MRAP2: variants seen among roughly 807,000 people sequenced by gnomAD.
MRAP2 encodes the protein melanocortin 2 receptor accessory protein 2.
A neutral mutation model predicts 17.4 loss-of-function variants in MRAP2; 20 were observed. The ratio of observed to expected loss-of-function variants is 1.15; its 90% CI spans 0.81 to 1.67. MRAP2 has a LOEUF of 1.67. Among genes scored for constraint, MRAP2 ranks in the 40% most tolerant of loss-of-function variants. The pLI is 0.00. For missense variants in MRAP2, 238 were observed against 240.0 expected, an observed-to-expected ratio of 0.99 and a Z score of 0.05; for synonymous variants, 96 against 88.4, an observed-to-expected ratio of 1.09 and a Z score of -0.48.
the MRAP2 span, among the ~76,000 whole-genome samples, chr6:84,107,037 T>C: frequency 6.6e-5 from 10 of 152,016 alleles, no homozygotes; most frequent in African/African-American, 2.4e-4. Context: ...ACATATAGGG[T>C]CCTTCCAAAG....
the MRAP2 span, among the ~76,000 whole-genome samples, chr6:84,129,241 G>T: frequency 6.6e-6 from 1 of 152,068 alleles, no homozygotes; most frequent in Admixed American, 6.6e-5. Flanking sequence ...GGTATTTCTA[G>T]TTCTAGATCC....
At chr6:84,088,240 C>CT (rs2099500975) in intron 3 of MRAP2, among the ~76,000 whole-genome samples, 1 of 152,202 alleles carries the variant, frequency 6.6e-6, no homozygotes, top group South Asian at 2.1e-4. Flanking sequence ...GGCAATCCTT[C>CT]TTTAAGTCTG....
At chr6:84,065,911 T>C (rs1278712997) in intron 3 of MRAP2, among the ~76,000 whole-genome samples, 1 of 152,064 alleles carries the variant, frequency 6.6e-6, no homozygotes, top group African/African-American at 2.4e-5. Flanking sequence ...CTTTGGACTG[T>C]CTCCACCCTG....
intron 1 of MRAP2, among the ~76,000 whole-genome samples, chr6:84,048,603 A>T (rs886398137): frequency 6.6e-6 from 1 of 152,218 alleles, no homozygotes; most frequent in Admixed American, 6.5e-5. Context: ...CAACTCAACC[A>T]TGATAGCATG....
the MRAP2 span, among the ~76,000 whole-genome samples, chr6:84,133,563 G>A: frequency 5.2e-4 from 79 of 152,292 alleles, no homozygotes; most frequent in African/African-American, 1.7e-3. Flanking sequence ...CCTCAGCAAC[G>A]GCGGATGCCC....
chr6:84,043,995 A>T (rs78723775), intron 1 of MRAP2, among the ~76,000 whole-genome samples: 1 of 151,200 alleles, frequency 6.6e-6, no homozygotes, highest in South Asian at 2.1e-4. Context: ...TCAAAAATGT[A>T]TTTTTTTTTA....
chr6:84,093,865 C>T (rs2099502205), downstream of MRAP2, among the ~76,000 whole-genome samples: 1 of 152,200 alleles, frequency 6.6e-6, no homozygotes, highest in African/African-American at 2.4e-5. Flanking sequence ...TCCCTTAAAG[C>T]AGGAACTTGC....
chr6:84,094,714 A>T (rs1030184079), downstream of MRAP2, among the ~76,000 whole-genome samples: 9 of 151,376 alleles, frequency 5.9e-5, no homozygotes, highest in South Asian at 1.9e-3. Context: ...TTTTTTTGAC[A>T]TGGAGTCTCA....
chr6:84,047,503 A>C lies in MRAP2; in HGVS notation c.-7-7809A>C, dbSNP rs919929111. On this transcript the variant is annotated intron_variant, in intron 1 of 3. Transcript: ENST00000257776. ...CACCAAGCCTAGCCTAAAAAAAAAA[A>C]AACTATAAACAATATTAGAACTTTT... Among the ~76,000 whole-genome samples, 9 of 152,174 alleles carry C rather than the reference A, an allele frequency of 5.9e-5. No individual in the cohort carries two copies. The East Asian group carries it at 1.7e-3, about 29-fold the overall frequency.
At chr6:84,139,529 T>C in the MRAP2 span, among the ~76,000 whole-genome samples, 1 of 152,274 alleles carries the variant, frequency 6.6e-6, no homozygotes, top group East Asian at 1.9e-4. Context: ...TTCCTGACAG[T>C]TTTTGGCAAT....
chr6:84,141,895 A>T, the MRAP2 span, among the ~76,000 whole-genome samples: 7 of 151,456 alleles, frequency 4.6e-5, no homozygotes, highest in Admixed American at 4.0e-4. Flanking sequence ...AGAAAAACTT[A>T]AAAAAAAATA....
chr6:84,055,798 T>C (rs2099491568), intron 2 of MRAP2, among the ~76,000 whole-genome samples: 1 of 152,250 alleles, frequency 6.6e-6, no homozygotes, highest in Non-Finnish European at 1.5e-5. Flanking sequence ...GATCTGGAAC[T>C]GTTATTTGAA....
chr6:84,080,329 C>A (rs2099498662), intron 3 of MRAP2, among the ~76,000 whole-genome samples: 1 of 152,210 alleles, frequency 6.6e-6, no homozygotes, highest in Non-Finnish European at 1.5e-5. Flanking sequence ...AGCCACCACG[C>A]CCTATTGCCA....
intron 2 of MRAP2, among the ~76,000 whole-genome samples, chr6:84,060,772 A>G (rs1011234762): frequency 4.1e-5 from 6 of 147,604 alleles, no homozygotes; most frequent in African/African-American, 1.5e-4. Flanking sequence ...TGCAAGCTCC[A>G]CCTGCCGGGT....
the MRAP2 span, among the ~76,000 whole-genome samples, chr6:84,131,598 G>A: frequency 6.7e-6 from 1 of 149,796 alleles, no homozygotes; most frequent in South Asian, 2.1e-4. Flanking sequence ...TACCATTATG[G>A]CCTTGTCTCT....
chr6:84,063,726 TAGTC>T (rs2099493761), intron 3 of MRAP2, among the ~76,000 whole-genome samples: 1 of 152,194 alleles, frequency 6.6e-6, no homozygotes, highest in South Asian at 2.1e-4. Flanking sequence ...AATACCTCAT[TAGTC>T]AGCACCAGCA....
the MRAP2 span, among the ~76,000 whole-genome samples, chr6:84,131,672 TTTG>T: frequency 3.0e-3 from 451 of 150,436 alleles, 2 homozygotes; most frequent in African/African-American, 0.01. Context: ...CTGCTTTTTT[TTTG>T]TTTTGTTTTC....
the MRAP2 span, among the ~76,000 whole-genome samples, chr6:84,107,986 G>A: frequency 1.3e-5 from 2 of 152,192 alleles, no homozygotes; most frequent in African/African-American, 2.4e-5. Flanking sequence ...ACATAGCTTT[G>A]ATTTGTTGGT....
At chr6:84,071,534 T>G (rs1442385096) in intron 3 of MRAP2, among the ~76,000 whole-genome samples, 2 of 152,214 alleles carry the variant, frequency 1.3e-5, no homozygotes, top group South Asian at 2.1e-4. Flanking sequence ...GTCTTAACTT[T>G]GGATAACCTG....
Sources: allele counts gnomAD v4.1 joint callset (sites outside exome capture counted in the v4.1 genomes callset), GRCh38; gene constraint gnomAD v4.1.1; transcripts MANE v1.5; gene names NCBI Gene and HGNC (gene_info 2026-07-23, HGNC 2026-07-21).